PCYT1B: variants seen among roughly 807,000 people sequenced by gnomAD.
The protein encoded by PCYT1B is phosphate cytidylyltransferase 1B, choline.
PCYT1B carries 10 observed loss-of-function variants against 26.4 expected under a neutral mutation model. The ratio of observed to expected loss-of-function variants is 0.38; its 90% confidence interval spans 0.23 to 0.64. The LOEUF is 0.64. Ranked by LOEUF, PCYT1B falls within the 30% of genes least tolerant of loss-of-function variation. The pLI is 0.56. For missense variants in PCYT1B, 161 were observed against 292.7 expected, an observed-to-expected ratio of 0.55 and a Z score of 3.28; for synonymous variants, 131 against 108.4, an observed-to-expected ratio of 1.21 and a Z score of -1.29.
intron 3 of PCYT1B, among the ~76,000 whole-genome samples, chrX:24,593,480 C>A (rs867955807): frequency 3.8e-4 from 14 of 37,285 alleles, no homozygotes; most frequent in Admixed American, 3.3e-4. Flanking sequence ...CTTTTCTTTT[C>A]TTTTCTTTTC....
At chrX:24,582,978 G>A (rs1002111810) in intron 5 of PCYT1B, among the ~76,000 whole-genome samples, 3 of 111,781 alleles carry the variant, frequency 2.7e-5, no homozygotes, top group Middle Eastern at 4.2e-3. Flanking sequence ...TTGCACATAG[G>A]AAAAGTTACA....
intron 2 of PCYT1B, among the ~76,000 whole-genome samples, chrX:24,611,513 C>T (rs1257558922): frequency 1.8e-5 from 2 of 111,306 alleles, no homozygotes; most frequent in South Asian, 3.8e-4. Flanking sequence ...GCATGGCTAT[C>T]GTGGAGAGAC....
intron 1 of PCYT1B, among the ~76,000 whole-genome samples, chrX:24,669,893 A>G (rs1374773785): frequency 9.2e-6 from 1 of 108,603 alleles, no homozygotes; most frequent in Non-Finnish European, 1.9e-5. Flanking sequence ...ATATTTAAAA[A>G]TTAGCCAGAT....
chrX:24,644,333 A>C (rs1926554112), intron 1 of PCYT1B, among the ~76,000 whole-genome samples: 1 of 111,413 alleles, frequency 9.0e-6, no homozygotes, highest in African/African-American at 3.3e-5. Flanking sequence ...GTCAAATTTC[A>C]GTAGCCCATG....
At chrX:24,652,125 C>T (rs918426487), upstream of PCYT1B, among the ~76,000 whole-genome samples, 1 of 112,292 alleles carries the variant, frequency 8.9e-6, no homozygotes, top group Non-Finnish European at 1.9e-5. Flanking sequence ...GAAGAGCATG[C>T]CTTCTGTGAG....
chrX:24,562,179 T>C lies in PCYT1B; in HGVS notation c.*114A>G. The C allele has an allele frequency of 3.3e-6, 4 of 1,202,292 alleles. No homozygotes were observed. Among genetic ancestry groups the C allele is most frequent in the Non-Finnish European group, 4.5e-6 (4 of 890,545 alleles). Reference sequence around the variant, plus strand: ...TTCCCTTAGCAGAGTTCAGGGTCTCTCTGCTGAGCTGCAGCTCCTGTGACT... The same window carrying C: ...TTCCCTTAGCAGAGTTCAGGGTCTCCCTGCTGAGCTGCAGCTCCTGTGACT... On this transcript the variant is annotated 3_prime_UTR_variant, in exon 8 of 8. Coordinates refer to ENST00000379144, the MANE Select transcript of PCYT1B (RefSeq NM_004845.5).
Position 24,614,941 on chromosome X carries a change from T to C in PCYT1B, c.217+4044A>G, listed in dbSNP as rs1371648680. 5.4e-5 allele frequency among the ~76,000 whole-genome samples: 6 copies of C among 111,703 alleles called. No individual in the cohort carries two copies. The South Asian group carries it at 2.3e-3, about 42-fold the overall frequency. The stretch of plus-strand genomic sequence containing the variant: ...TCTCAAAGTGTGGTCCCAGGACTAG[T>C]AGCAGCAGCAGCATCACCTGGGAAC... On this transcript the variant is annotated intron_variant, in intron 2 of 7. Coordinates refer to ENST00000379144, the MANE Select transcript of PCYT1B (RefSeq NM_004845.5).
chrX:24,648,449 A>ATTTTTTTTGTTTTTTTT (rs1926694280), upstream of PCYT1B, among the ~76,000 whole-genome samples: 1 of 39,717 alleles, frequency 2.5e-5, no homozygotes, highest in African/African-American at 1.4e-4. Flanking sequence ...ATTTGAAGGA[A>ATTTTTTTTGTTTTTTTT]TTTTTTTTTT....
chrX:24,642,028 G>T (rs1430181309), intron 1 of PCYT1B, among the ~76,000 whole-genome samples: 3 of 112,949 alleles, frequency 2.7e-5, no homozygotes, highest in East Asian at 5.5e-4. Flanking sequence ...CTGCTGGGAA[G>T]TACTTCCCCT....
chrX:24,622,291 G>T (rs1925724451), intron 1 of PCYT1B, among the ~76,000 whole-genome samples: 1 of 111,718 alleles, frequency 9.0e-6, no homozygotes, highest in Admixed American at 9.6e-5. Context: ...CTACCAACCA[G>T]CCCGGTGACC....
intron 3 of PCYT1B, among the ~76,000 whole-genome samples, chrX:24,592,524 T>A (rs1015904675): frequency 9.0e-6 from 1 of 111,219 alleles, no homozygotes; most frequent in African/African-American, 3.3e-5. Flanking sequence ...CCCCACCCCT[T>A]CATCATCTCT....
In PCYT1B at chrX:24,619,058, A is replaced by G; in HGVS notation, c.144T>C (p.Ala48=). The G allele has an allele frequency of 8.4e-7, 1 of 1,192,221 alleles. No individual in the cohort carries two copies. The highest frequency in any genetic ancestry group is 1.7e-5 in the African/African-American group (1 of 57,409). Reference sequence around the variant, plus strand: ...CTTGACACTGGCAGTTGGTTTCATCAGCAAATGGGGCAGGTGCAGTCAGGG... The same window carrying G: ...CTTGACACTGGCAGTTGGTTTCATCGGCAAATGGGGCAGGTGCAGTCAGGG... The part of the protein sequence containing the change: ...RLTLTAPAPF[A]DETNCQCQAP... Residue 48 remains alanine (A), a synonymous_variant, in exon 2 of 8, where the codon GCT becomes GCC. Transcript: ENST00000379144.
At chrX:24,623,773 TACTGGAC>T (rs1261456607) in intron 1 of PCYT1B, among the ~76,000 whole-genome samples, 1 of 110,463 alleles carries the variant, frequency 9.1e-6, no homozygotes, top group Non-Finnish European at 1.9e-5. Context: ...AGCTATTAGG[TACTGGAC>T]AATGGACAAT....
chrX:24,664,765 C>T (rs947463499), intron 1 of PCYT1B, among the ~76,000 whole-genome samples: 1 of 111,838 alleles, frequency 8.9e-6, no homozygotes, highest in African/African-American at 3.2e-5. Context: ...TGAGACCAGC[C>T]TGGCCAAGAT....
chrX:24,649,838 T>C (rs1204718931), upstream of PCYT1B, among the ~76,000 whole-genome samples: 3 of 112,366 alleles, frequency 2.7e-5, no homozygotes, highest in Non-Finnish European at 5.6e-5. Flanking sequence ...TTGTGCTAAG[T>C]CCGTCACACC....
At chrX:24,669,449 G>A (rs971676583) in intron 1 of PCYT1B, among the ~76,000 whole-genome samples, 4 of 91,682 alleles carry the variant, frequency 4.4e-5, no homozygotes, top group Non-Finnish European at 8.3e-5. Flanking sequence ...CCCAGGAGCC[G>A]AGATCGTGCC....
intron 1 of PCYT1B, among the ~76,000 whole-genome samples, chrX:24,629,586 AAAAAC>A (rs1925996824): frequency 1.0e-5 from 1 of 99,475 alleles, no homozygotes; most frequent in Non-Finnish European, 2.0e-5. Context: ...AAAAAAAAAA[AAAAAC>A]AACACGTATT....
At chrX:24,665,132 ATG>A (rs1254605494) in intron 1 of PCYT1B, among the ~76,000 whole-genome samples, 1 of 111,466 alleles carries the variant, frequency 9.0e-6, no homozygotes, top group Non-Finnish European at 1.9e-5. Flanking sequence ...GGCAATGCAT[ATG>A]TGTCTGCCTA....
chrX:24,604,658 T>C (rs1182124774), intron 3 of PCYT1B, among the ~76,000 whole-genome samples: 2 of 110,945 alleles, frequency 1.8e-5, no homozygotes, highest in Non-Finnish European at 3.8e-5. Context: ...TGGGTCCAGG[T>C]GATCCTCTTG....
Sources: gnomAD v4.1 joint callset for allele counts (sites outside exome capture counted in the v4.1 genomes callset) on GRCh38, gnomAD v4.1.1 for gene constraint, MANE v1.5 for transcripts, NCBI Gene and HGNC (gene_info 2026-07-23, HGNC 2026-07-21) for gene names.